Variants in BRINP3 observed in about 807,000 individuals in gnomAD.
The protein encoded by BRINP3 is BMP/retinoic acid inducible neural specific 3.
A neutral mutation model predicts 71.0 loss-of-function variants in BRINP3; 19 were observed. The ratio of observed to expected loss-of-function variants is 0.27; its 90% CI spans 0.19 to 0.39. The LOEUF is 0.39. Among genes scored for constraint, BRINP3 ranks in the 10% least tolerant of loss-of-function variants. The pLI, the probability that BRINP3 is intolerant of heterozygous loss-of-function variation, is 1.00. For synonymous variants in BRINP3, 380 were observed against 337.7 expected, an observed-to-expected ratio of 1.13 and a Z score of -1.37; for missense variants, 959 against 940.8, an observed-to-expected ratio of 1.02 and a Z score of -0.25.
intron 7 of BRINP3, among the ~76,000 whole-genome samples, chr1:190,151,146 C>CA (rs888999040): frequency 3.7e-4 from 55 of 146,876 alleles, no homozygotes; most frequent in African/African-American, 7.3e-4. Context: ...GACTCAGTCT[C>CA]AAAAAAAAAG....
intron 2 of BRINP3, among the ~76,000 whole-genome samples, chr1:190,289,159 T>C (rs893689750): frequency 1.3e-5 from 2 of 151,958 alleles, no homozygotes; most frequent in Middle Eastern, 3.2e-3. Flanking sequence ...TTTTAAAGAA[T>C]AACTGCATTT....
intron 4 of BRINP3, among the ~76,000 whole-genome samples, chr1:190,263,233 A>T (rs1661348265): frequency 6.6e-6 from 1 of 152,210 alleles, no homozygotes; most frequent in South Asian, 2.1e-4. Context: ...TTTCTCTAAC[A>T]ACATCTTACA....
intron 2 of BRINP3, among the ~76,000 whole-genome samples, chr1:190,340,993 A>G (rs182666726): frequency 1.4e-4 from 21 of 151,932 alleles, no homozygotes; most frequent in Admixed American, 8.5e-4. Flanking sequence ...TGTGCAGTTT[A>G]TACTCTGTTG....
chr1:190,127,884 A>G (rs1266465865), intron 7 of BRINP3, among the ~76,000 whole-genome samples: 1 of 151,796 alleles, frequency 6.6e-6, no homozygotes, highest in East Asian at 1.9e-4. Flanking sequence ...TAGGATTTGT[A>G]TGTTATAGCA....
At chr1:190,436,999 T>A (rs566882434) in intron 2 of BRINP3, among the ~76,000 whole-genome samples, 2 of 151,906 alleles carry the variant, frequency 1.3e-5, no homozygotes, top group African/African-American at 4.8e-5. Context: ...TTTTACAATA[T>A]CTGCCCATTT....
At chr1:190,242,338 GT>G (rs1274793111) in intron 4 of BRINP3, among the ~76,000 whole-genome samples, 10 of 151,982 alleles carry the variant, frequency 6.6e-5, no homozygotes, top group African/African-American at 2.2e-4. Flanking sequence ...TATACTTAGT[GT>G]GTTATACATA....
intron 2 of BRINP3, among the ~76,000 whole-genome samples, chr1:190,312,877 A>T (rs1014381522): frequency 2.0e-5 from 3 of 151,884 alleles, no homozygotes; most frequent in African/African-American, 4.8e-5. Context: ...TGTGGTTATA[A>T]TAACCTGTTC....
chr1:190,245,483 A>G (rs1659506899), intron 4 of BRINP3, among the ~76,000 whole-genome samples: 1 of 152,020 alleles, frequency 6.6e-6, no homozygotes. Flanking sequence ...CAATATTATA[A>G]TCATATTATG....
At chr1:190,238,026 G>T (rs57229285) in intron 4 of BRINP3, among the ~76,000 whole-genome samples, 217 of 152,106 alleles carry the variant, frequency 1.4e-3, no homozygotes, top group African/African-American at 4.9e-3. Flanking sequence ...GAGTTGAGGT[G>T]GGGGAGTAGT....
At chr1:190,471,720 A>G (rs774239342) in intron 1 of BRINP3, among the ~76,000 whole-genome samples, 10 of 151,564 alleles carry the variant, frequency 6.6e-5, no homozygotes, top group Non-Finnish European at 1.2e-4. Context: ...AAGAGTAGAG[A>G]TCATCAGGTT....
chr1:190,148,451 C>T (rs1446751943), intron 7 of BRINP3, among the ~76,000 whole-genome samples: 1 of 151,598 alleles, frequency 6.6e-6, no homozygotes, highest in African/African-American at 2.4e-5. Context: ...AAAAAACTAG[C>T]CGGGCGTGGT....
chr1:190,116,810 G>A (rs1216645737), intron 7 of BRINP3, among the ~76,000 whole-genome samples: 1 of 152,026 alleles, frequency 6.6e-6, no homozygotes, highest in Non-Finnish European at 1.5e-5. Flanking sequence ...ATTCTATCAT[G>A]TTCTCTTTTG....
chr1:190,196,467 A>T (rs905386960), intron 6 of BRINP3, among the ~76,000 whole-genome samples: 1 of 152,112 alleles, frequency 6.6e-6, no homozygotes, highest in Non-Finnish European at 1.5e-5. Context: ...ACATTTAAAC[A>T]TGTGTTTGCA....
rs541961765 is a variant in BRINP3 at position 190,441,590 on chromosome 1, G to A, written c.236+13065C>T. ...TAAGATATTTGTCAGTGATGCAAATGAATACATAGGAGCTATTCCTTTAAA... is the reference window on the plus strand; with the variant it reads ...TAAGATATTTGTCAGTGATGCAAATAAATACATAGGAGCTATTCCTTTAAA... On this transcript the variant is annotated intron_variant, in intron 2 of 7. Coordinates refer to ENST00000367462, the MANE Select transcript of BRINP3 (RefSeq NM_199051.3). Among the ~76,000 whole-genome samples the A allele has an allele frequency of 3.9e-5, 6 of 152,108 alleles. 1 individual carries two copies. The East Asian group carries it at 1.2e-3, about 29-fold the overall frequency.
intron 2 of BRINP3, among the ~76,000 whole-genome samples, chr1:190,364,308 C>T (rs1010030833): frequency 1.3e-5 from 2 of 151,988 alleles, no homozygotes; most frequent in African/African-American, 4.8e-5. Flanking sequence ...GGAATCTACC[C>T]TTGTATCAAG....
At position 190,188,981 on chromosome 1, in the gene BRINP3, C is replaced by T. The variant is rs546268649; in HGVS notation, c.962-28091G>A. Among the ~76,000 whole-genome samples, 13 of 152,096 alleles carry T rather than the reference C, an allele frequency of 8.5e-5. No homozygotes were observed. The South Asian group carries it at 1.9e-3, about 22-fold the overall frequency. Reference sequence around the variant, plus strand: ...CTCACCTTATTGGCCAGACTGGTCTCGAACTCCTGACCTCATGATCTGCCT... The same window carrying T: ...CTCACCTTATTGGCCAGACTGGTCTTGAACTCCTGACCTCATGATCTGCCT... On this transcript the variant is annotated intron_variant, in intron 6 of 7. Transcript: ENST00000367462.
At chr1:190,341,831 T>C (rs1314956260) in intron 2 of BRINP3, among the ~76,000 whole-genome samples, 10 of 151,880 alleles carry the variant, frequency 6.6e-5, no homozygotes. Context: ...TTCATGTTTC[T>C]GCAGTGTATT....
At chr1:190,419,257 A>C (rs1316615533) in intron 2 of BRINP3, among the ~76,000 whole-genome samples, 1 of 152,100 alleles carries the variant, frequency 6.6e-6, no homozygotes, top group African/African-American at 2.4e-5. Context: ...ATTTTCAAAA[A>C]AATTTCTGTC....
intron 6 of BRINP3, among the ~76,000 whole-genome samples, chr1:190,199,081 G>A (rs1654759497): frequency 6.6e-6 from 1 of 152,076 alleles, no homozygotes; most frequent in South Asian, 2.1e-4. Flanking sequence ...CTTACATGAT[G>A]GCAGGCAAGA....
Sources: gnomAD v4.1 joint callset for allele counts (sites outside exome capture counted in the v4.1 genomes callset) on GRCh38, gnomAD v4.1.1 for gene constraint, MANE v1.5 for transcripts, NCBI Gene and HGNC (gene_info 2026-07-23, HGNC 2026-07-21) for gene names.